Variants in SPIN1 observed in about 807,000 individuals in gnomAD.
SPIN1 encodes the protein spindlin 1.
In SPIN1, 3 loss-of-function variants were observed where a neutral mutation model predicts 26.0. The ratio of observed to expected loss-of-function variants is 0.12; its 90% confidence interval spans 0.05 to 0.30. The LOEUF is 0.30. Ranked by LOEUF, SPIN1 falls within the 10% of genes least tolerant of loss-of-function variation. SPIN1 has a pLI of 1.00. For synonymous variants in SPIN1, 101 were observed against 116.5 expected, an observed-to-expected ratio of 0.87 and a Z score of 0.86; for missense variants, 126 against 333.4, an observed-to-expected ratio of 0.38 and a Z score of 4.84.
chr9:88,467,956 CGTATACAGGAACT>C (rs1327814818), intron 4 of SPIN1, among the ~76,000 whole-genome samples: 1 of 151,828 alleles, frequency 6.6e-6, no homozygotes, highest in Admixed American at 6.6e-5. Context: ...CAAAGTGAAC[CGTATACAGGAACT>C]CTACTATTTT....
chr9:88,420,814 T>A (rs1827654799), intron 1 of SPIN1, among the ~76,000 whole-genome samples: 2 of 152,214 alleles, frequency 1.3e-5, no homozygotes, highest in Non-Finnish European at 2.9e-5. Context: ...CTGCCTGTCA[T>A]GTGACTCAGA....
chr9:88,410,162 A>AGT (rs138037814), intron 1 of SPIN1, among the ~76,000 whole-genome samples: 7,615 of 132,918 alleles, frequency 0.057, 243 homozygotes, highest in African/African-American at 0.08. Flanking sequence ...GCATATATTT[A>AGT]GTGTGTGTGT....
At chr9:88,470,633 C>T (rs985609887) in intron 5 of SPIN1, among the ~76,000 whole-genome samples, 1 of 148,698 alleles carries the variant, frequency 6.7e-6, no homozygotes, top group Non-Finnish European at 1.5e-5. Flanking sequence ...CTTGCTCTGT[C>T]GCCCAGGCTG....
At chr9:88,412,344 A>G (rs1827468616) in intron 1 of SPIN1, among the ~76,000 whole-genome samples, 1 of 152,130 alleles carries the variant, frequency 6.6e-6, no homozygotes, top group Admixed American at 6.5e-5. Context: ...AGTTTTTACT[A>G]GGGATATCCT....
chr9:88,412,816 T>C (rs1409911700), intron 1 of SPIN1, among the ~76,000 whole-genome samples: 2 of 152,100 alleles, frequency 1.3e-5, no homozygotes, highest in East Asian at 1.9e-4. Context: ...CCCTAGTAGC[T>C]GGGACTACAG....
At chr9:88,465,082 A>T (rs1179273843) in intron 4 of SPIN1, among the ~76,000 whole-genome samples, 1 of 152,178 alleles carries the variant, frequency 6.6e-6, no homozygotes, top group Admixed American at 6.5e-5. Context: ...GTGTGACAGG[A>T]TTTCCTTTAA....
intron 4 of SPIN1, among the ~76,000 whole-genome samples, chr9:88,465,142 G>C (rs895487009): frequency 1.3e-5 from 2 of 152,258 alleles, no homozygotes; most frequent in African/African-American, 4.8e-5. Context: ...TTGTTTATCT[G>C]TTCACCCATT....
At chr9:88,472,359 C>T (rs1275323206) in intron 5 of SPIN1, among the ~76,000 whole-genome samples, 4 of 152,150 alleles carry the variant, frequency 2.6e-5, no homozygotes, top group African/African-American at 4.8e-5. Context: ...CTCAGCCTCC[C>T]GGGTAGCTGG....
intron 1 of SPIN1, among the ~76,000 whole-genome samples, chr9:88,396,424 A>G (rs1182010305): frequency 6.6e-6 from 1 of 151,738 alleles, no homozygotes; most frequent in Non-Finnish European, 1.5e-5. Context: ...CAACATGGTG[A>G]AACCCCGTCT....
intron 3 of SPIN1, among the ~76,000 whole-genome samples, chr9:88,455,807 G>A (rs375013150): frequency 6.6e-6 from 1 of 151,536 alleles, no homozygotes; most frequent in African/African-American, 2.4e-5. Context: ...GTGAGACCCT[G>A]TCTGTACAAA....
intron 3 of SPIN1, among the ~76,000 whole-genome samples, chr9:88,452,790 T>C (rs1828388834): frequency 6.6e-6 from 1 of 152,220 alleles, no homozygotes; most frequent in Non-Finnish European, 1.5e-5. Flanking sequence ...TCTCTCTTTC[T>C]GGTTTGCATC....
At chr9:88,435,687 A>AG (rs1378370076) in intron 2 of SPIN1, among the ~76,000 whole-genome samples, 1 of 152,058 alleles carries the variant, frequency 6.6e-6, no homozygotes, top group Non-Finnish European at 1.5e-5. Context: ...GTTTTTTTAC[A>AG]TCAGAGTTAT....
chr9:88,468,094 C>T (rs780997959), intron 4 of SPIN1, among the ~76,000 whole-genome samples: 2 of 152,112 alleles, frequency 1.3e-5, no homozygotes, highest in Non-Finnish European at 1.5e-5. Context: ...GGGTACAGAA[C>T]CAAGAGCAGA....
chr9:88,389,026 G>C (rs1396401265), intron 1 of SPIN1, among the ~76,000 whole-genome samples: 3 of 151,462 alleles, frequency 2.0e-5, no homozygotes, highest in African/African-American at 4.8e-5. Flanking sequence ...GGAGGGGCGG[G>C]ACCCCGGCGC....
chr9:88,438,462 C>G (rs1282131347), intron 2 of SPIN1, among the ~76,000 whole-genome samples: 2 of 152,134 alleles, frequency 1.3e-5, no homozygotes, highest in African/African-American at 4.8e-5. Context: ...TTTTACAGTT[C>G]ATAATGTCGT....
intron 1 of SPIN1, among the ~76,000 whole-genome samples, chr9:88,411,951 C>T (rs756274180): frequency 2.6e-5 from 4 of 151,382 alleles, no homozygotes; most frequent in Non-Finnish European, 5.9e-5. Context: ...ACGGGCAGAT[C>T]ACGAGGTCAG....
At chr9:88,432,208 T>G (rs1268372672) in intron 2 of SPIN1, among the ~76,000 whole-genome samples, 2 of 147,542 alleles carry the variant, frequency 1.4e-5, no homozygotes, top group African/African-American at 5.0e-5. Context: ...TTTTTTTTTT[T>G]GAGACAGAGT....
chr9:88,455,648 A>T (rs1376582619), intron 3 of SPIN1, among the ~76,000 whole-genome samples: 1 of 152,158 alleles, frequency 6.6e-6, no homozygotes, highest in Non-Finnish European at 1.5e-5. Context: ...AAAATTTTTC[A>T]TGTCATATTT....
At chr9:88,389,396 C>G (rs1298500308) in intron 1 of SPIN1, 1 of 152,210 alleles carries the variant, frequency 6.6e-6, no homozygotes, top group South Asian at 2.1e-4. Context: ...ATTGTGCGTT[C>G]TCGATTTTAC....
Sources: allele counts gnomAD v4.1 joint callset (sites outside exome capture counted in the v4.1 genomes callset), GRCh38; gene constraint gnomAD v4.1.1; transcripts MANE v1.5; gene names NCBI Gene and HGNC (gene_info 2026-07-23, HGNC 2026-07-21).